Variants in RNF128 observed in about 807,000 individuals in gnomAD.
RNF128 encodes ring finger protein 128.
Under a neutral mutation model 26.2 loss-of-function variants are expected in RNF128, and 13 were observed. The observed-to-expected ratio is 0.50, with a 90% CI of 0.32 to 0.79. The LOEUF is 0.79. RNF128 is among the 30% of genes least tolerant of loss of function. The pLI is 0.03. For synonymous variants in RNF128, 149 were observed against 142.5 expected, an observed-to-expected ratio of 1.05 and a Z score of -0.32; for missense variants, 315 against 349.7, an observed-to-expected ratio of 0.90 and a Z score of 0.79.
At chrX:106,702,296 C>T (rs1333703348) in intron 1 of RNF128, among the ~76,000 whole-genome samples, 1 of 111,616 alleles carries the variant, frequency 9.0e-6, no homozygotes, top group Non-Finnish European at 1.9e-5. Flanking sequence ...AGCATCTAAA[C>T]ATGTGCCATT....
chrX:106,709,613 C>A (rs1929092679), intron 1 of RNF128, among the ~76,000 whole-genome samples: 1 of 110,618 alleles, frequency 9.0e-6, no homozygotes, highest in South Asian at 3.9e-4. Flanking sequence ...ACAGCCCAAT[C>A]TGGGCTCACC....
chrX:106,760,753 A>G (rs1202326881), intron 1 of RNF128, among the ~76,000 whole-genome samples: 1 of 111,556 alleles, frequency 9.0e-6, no homozygotes, highest in Non-Finnish European at 1.9e-5. Context: ...GTATCCATCA[A>G]TGGATGAATG....
intron 2 of RNF128, 32 bp downstream of exon 2, chrX:106,773,192 A>C (rs1240886476): frequency 8.5e-7 from 1 of 1,171,728 alleles, no homozygotes; most frequent in African/African-American, 1.8e-5. Flanking sequence ...CACTATTAAA[A>C]AAAATTTACT....
intron 1 of RNF128, among the ~76,000 whole-genome samples, chrX:106,742,723 C>G (rs890746360): frequency 1.8e-5 from 2 of 111,041 alleles, no homozygotes; most frequent in African/African-American, 6.5e-5. Context: ...CTGCTGTCAC[C>G]TTAACACAAA....
At chrX:106,721,301 C>T (rs191046498) in intron 1 of RNF128, among the ~76,000 whole-genome samples, 2 of 111,772 alleles carry the variant, frequency 1.8e-5, no homozygotes, top group Admixed American at 9.5e-5. Flanking sequence ...GCCAGGATAC[C>T]GTTTGTCCCA....
At position 106,791,231 on chromosome X, in the gene RNF128, A is replaced by G. The variant is rs141420798; in HGVS notation, c.1150A>G (p.Thr384Ala). Residue 384 changes from threonine (T) to alanine (A), a missense_variant, in exon 6 of 7, where the codon ACA (threonine) becomes GCA (alanine). By Grantham distance (58) the Thr-to-Ala change is moderately conservative. Coordinates refer to ENST00000255499, the MANE Select transcript of RNF128 (RefSeq NM_194463.2). ...GCCTCTGGAGGAACACGTGCAGTCA[A>G]CAAGTAAGCATCATACTAAAGGTTA... ...EPPLEEHVQS[T>A]NESLQLVNHE... 4 of 1,204,948 alleles carry G rather than the reference A, an allele frequency of 3.3e-6. No homozygotes were observed. The African/African-American group carries it at 7.0e-5, about 21-fold the overall frequency.
At chrX:106,779,348 CGTGTGTGTGTGTGTGTGT>C (rs372716238) in intron 2 of RNF128, among the ~76,000 whole-genome samples, 4 of 90,113 alleles carry the variant, frequency 4.4e-5, no homozygotes, top group East Asian at 3.5e-4. Flanking sequence ...TACACAGTTA[CGTGTGTGTGTGTGTGTGT>C]GTGTGTGTGT....
chrX:106,775,462 T>G (rs1930449750), intron 2 of RNF128, among the ~76,000 whole-genome samples: 1 of 112,004 alleles, frequency 8.9e-6, no homozygotes, highest in Non-Finnish European at 1.9e-5. Flanking sequence ...ATTTTCATAG[T>G]TTATAATACA....
chrX:106,733,758 T>C (rs956580541), intron 1 of RNF128, among the ~76,000 whole-genome samples: 2 of 111,207 alleles, frequency 1.8e-5, no homozygotes, highest in Non-Finnish European at 3.8e-5. Flanking sequence ...TGGAGTACCA[T>C]GGCGTGGTCT....
At chrX:106,786,295 A>G (rs1029006356) in intron 3 of RNF128, among the ~76,000 whole-genome samples, 1 of 111,877 alleles carries the variant, frequency 8.9e-6, no homozygotes, top group African/African-American at 3.2e-5. Context: ...GATTTTCCAT[A>G]AAAGTGCAAA....
intron 1 of RNF128, among the ~76,000 whole-genome samples, chrX:106,769,122 T>C (rs1223770989): frequency 1.8e-5 from 2 of 111,894 alleles, no homozygotes; most frequent in African/African-American, 6.5e-5. Flanking sequence ...CTGAGGAGTG[T>C]TTTACTTCCA....
intron 1 of RNF128, among the ~76,000 whole-genome samples, chrX:106,728,046 AAG>A: frequency 9.0e-6 from 1 of 111,684 alleles, no homozygotes; most frequent in Middle Eastern, 4.6e-3. Context: ...CTTGAAAAAG[AAG>A]AGGTTTCTGC....
chrX:106,732,014 T>C (rs1168858058), intron 1 of RNF128, among the ~76,000 whole-genome samples: 1 of 111,905 alleles, frequency 8.9e-6, no homozygotes, highest in Non-Finnish European at 1.9e-5. Flanking sequence ...ATAAAACTCC[T>C]AGTAATCTGA....
chrX:106,780,226 T>C (rs1418682779), intron 2 of RNF128, among the ~76,000 whole-genome samples: 1 of 111,706 alleles, frequency 9.0e-6, no homozygotes, highest in Non-Finnish European at 1.9e-5. Context: ...ACATATACTT[T>C]ACCTAATTGG....
rs1929405958 is a variant in RNF128, at chrX:106,726,861, G to T, written c.-53G>T. The T allele has an allele frequency of 3.6e-6, 4 of 1,122,227 alleles. No individual in the cohort carries two copies. The highest frequency in any genetic ancestry group is 3.5e-6 in the Non-Finnish European group (3 of 856,674). 92.5% of individuals were successfully genotyped at this position (1,122,227 alleles called of 1,213,427 possible). On this transcript the variant is annotated 5_prime_UTR_variant, in exon 1 of 7. Transcript: ENST00000255499. Reference sequence around the variant, plus strand: ...CTGCTCAAGACCAGGGTCCTGCCAAGCGCTAGGAGGGCGCGTGCCAGGGGC... The same window carrying T: ...CTGCTCAAGACCAGGGTCCTGCCAATCGCTAGGAGGGCGCGTGCCAGGGGC...
Position 106,727,183 on chromosome X carries a change from CG to C in RNF128, c.274del (p.Ala92ArgfsTer73). 1 of 1,211,114 alleles carries C rather than the reference CG, an allele frequency of 8.3e-7. No individual in the cohort carries two copies. The highest frequency in any genetic ancestry group is 1.1e-6 in the Non-Finnish European group (1 of 895,270). On this transcript the variant is annotated frameshift_variant, in exon 1 of 7. Coordinates refer to ENST00000255499, the MANE Select transcript of RNF128 (RefSeq NM_194463.2). LOFTEE classifies it high-confidence loss of function. ...AGVLVPPDGP[G>X]ALNACNPHTN... ...GGGTCCTGGTACCGCCCGACGGGCCCGGGGCGCTTAACGCCTGTAACCCGCA... is the reference window on the plus strand; with the variant it reads ...GGGTCCTGGTACCGCCCGACGGGCCCGGGCGCTTAACGCCTGTAACCCGCA...
intron 1 of RNF128, among the ~76,000 whole-genome samples, chrX:106,769,549 T>TTG (rs1930329274): frequency 1.2e-5 from 1 of 82,041 alleles, no homozygotes; most frequent in South Asian, 4.8e-4. Flanking sequence ...CTGCTTTGTT[T>TTG]TTTTTTTTTT....
intron 1 of RNF128, among the ~76,000 whole-genome samples, chrX:106,737,757 A>G (rs1055924924): frequency 2.7e-5 from 3 of 111,800 alleles, no homozygotes; most frequent in African/African-American, 9.8e-5. Context: ...TCATTCATAG[A>G]ACCATGGGCA....
At chrX:106,703,317 G>T (rs918490559) in intron 1 of RNF128, among the ~76,000 whole-genome samples, 4 of 111,608 alleles carry the variant, frequency 3.6e-5, no homozygotes, top group African/African-American at 9.8e-5. Context: ...GTTGTTAATT[G>T]TAAGTACTCT....
Sources: allele counts gnomAD v4.1 joint callset (sites outside exome capture counted in the v4.1 genomes callset), GRCh38; gene constraint gnomAD v4.1.1; transcripts MANE v1.5; gene names NCBI Gene and HGNC (gene_info 2026-07-23, HGNC 2026-07-21).